Variants in DACH1 observed in about 807,000 individuals in gnomAD.
The protein encoded by DACH1 is dachshund homolog 1.
In DACH1, 12 loss-of-function variants were observed where a neutral mutation model predicts 54.2. The observed-to-expected ratio is 0.22, with a 90% CI of 0.14 to 0.36. The LOEUF (loss-of-function observed/expected upper bound fraction) is 0.36, where lower values mean the gene tolerates loss of function less well. Ranked by LOEUF, DACH1 falls within the 10% of genes least tolerant of loss-of-function variation. DACH1 has a pLI of 1.00. For missense variants in DACH1, 805 were observed against 929.8 expected, an observed-to-expected ratio of 0.87 and a Z score of 1.75; for synonymous variants, 386 against 366.2, an observed-to-expected ratio of 1.05 and a Z score of -0.62.
At chr13:71,863,242 A>G (rs116609447) in intron 1 of DACH1, among the ~76,000 whole-genome samples, 180 of 152,274 alleles carry the variant, frequency 1.2e-3, no homozygotes, top group African/African-American at 3.9e-3. Context: ...ATATTTGGTG[A>G]GAGGGAGTTC....
At chr13:71,620,999 G>A (rs1261131038) in intron 3 of DACH1, among the ~76,000 whole-genome samples, 1 of 151,476 alleles carries the variant, frequency 6.6e-6, no homozygotes, top group East Asian at 1.9e-4. Context: ...CCATGCATGA[G>A]GTAGATAAAA....
chr13:71,470,340 G>A (rs545273589), intron 10 of DACH1, among the ~76,000 whole-genome samples: 16 of 147,454 alleles, frequency 1.1e-4, no homozygotes, highest in Middle Eastern at 3.6e-3. Context: ...ACAGAGTCTC[G>A]CACTGTTGCC....
chr13:71,685,090 G>C (rs1319870335), intron 1 of DACH1, among the ~76,000 whole-genome samples: 2 of 152,126 alleles, frequency 1.3e-5, no homozygotes, highest in Non-Finnish European at 2.9e-5. Flanking sequence ...CTACTTAGGA[G>C]TACTTTATTA....
At chr13:71,642,577 A>G (rs1877987804) in intron 2 of DACH1, among the ~76,000 whole-genome samples, 1 of 152,224 alleles carries the variant, frequency 6.6e-6, no homozygotes, top group Non-Finnish European at 1.5e-5. Flanking sequence ...TGAACATTTC[A>G]CATCTAGTCA....
chr13:71,474,663 A>G (rs1209647293), intron 10 of DACH1, among the ~76,000 whole-genome samples: 1 of 152,222 alleles, frequency 6.6e-6, no homozygotes, highest in Non-Finnish European at 1.5e-5. Flanking sequence ...TTTGGAATCC[A>G]CATAGGAACT....
At chr13:71,543,784 G>A (rs1477474428) in intron 6 of DACH1, among the ~76,000 whole-genome samples, 2 of 152,104 alleles carry the variant, frequency 1.3e-5, no homozygotes, top group Non-Finnish European at 2.9e-5. Context: ...TAGGTCATGC[G>A]TAGTCTCTGT....
chr13:71,577,559 A>G (rs1364782949), intron 3 of DACH1, among the ~76,000 whole-genome samples: 1 of 152,214 alleles, frequency 6.6e-6, no homozygotes, highest in Non-Finnish European at 1.5e-5. Context: ...TATAATAAGC[A>G]CAATTGTTTT....
At chr13:71,716,037 T>C (rs1386605009) in intron 1 of DACH1, among the ~76,000 whole-genome samples, 1 of 152,028 alleles carries the variant, frequency 6.6e-6, no homozygotes, top group Non-Finnish European at 1.5e-5. Flanking sequence ...ACCTTAAACC[T>C]GCACCTCATT....
intron 2 of DACH1, among the ~76,000 whole-genome samples, chr13:71,660,067 C>T (rs1423058360): frequency 6.6e-6 from 1 of 152,048 alleles, no homozygotes; most frequent in South Asian, 2.1e-4. Flanking sequence ...TTCTTAGGAA[C>T]CTAATGATGC....
intron 1 of DACH1, among the ~76,000 whole-genome samples, chr13:71,818,080 T>A (rs1888038639): frequency 6.6e-6 from 1 of 152,234 alleles, no homozygotes; most frequent in Non-Finnish European, 1.5e-5. Flanking sequence ...CCCAAAGTGC[T>A]GGGATTACAG....
intron 8 of DACH1, among the ~76,000 whole-genome samples, chr13:71,477,541 G>T (rs993668183): frequency 6.6e-6 from 1 of 152,092 alleles, no homozygotes; most frequent in Non-Finnish European, 1.5e-5. Context: ...TATACGAAAA[G>T]AAATTGAAAC....
intron 1 of DACH1, among the ~76,000 whole-genome samples, chr13:71,788,296 C>G (rs1179887481): frequency 1.3e-5 from 2 of 152,102 alleles, no homozygotes; most frequent in East Asian, 3.9e-4. Flanking sequence ...TAGAGACACT[C>G]TAATGTTCTT....
At chr13:71,511,056 A>C (rs532293589) in intron 6 of DACH1, among the ~76,000 whole-genome samples, 57 of 152,156 alleles carry the variant, frequency 3.7e-4, no homozygotes, top group African/African-American at 1.3e-3. Flanking sequence ...TTTCTACAGC[A>C]CTACGTTATG....
intron 2 of DACH1, among the ~76,000 whole-genome samples, chr13:71,677,428 A>G (rs1880640871): frequency 1.3e-5 from 2 of 152,172 alleles, no homozygotes; most frequent in Non-Finnish European, 2.9e-5. Context: ...CACCCCTTCT[A>G]AGGTTACACA....
chr13:71,524,543 C>T (rs779044067), intron 6 of DACH1, among the ~76,000 whole-genome samples: 2 of 152,044 alleles, frequency 1.3e-5, no homozygotes, highest in African/African-American at 2.4e-5. Flanking sequence ...ACTTAAATTA[C>T]GTCAAATCCC....
At chr13:71,766,464 A>G (rs1286516893) in intron 1 of DACH1, among the ~76,000 whole-genome samples, 1 of 152,164 alleles carries the variant, frequency 6.6e-6, no homozygotes, top group Non-Finnish European at 1.5e-5. Context: ...ACTAAATTAT[A>G]TATAGTTGTA....
intron 1 of DACH1, among the ~76,000 whole-genome samples, chr13:71,825,957 T>C (rs1888361145): frequency 6.6e-6 from 1 of 152,124 alleles, no homozygotes; most frequent in Non-Finnish European, 1.5e-5. Context: ...CTGGCAACCA[T>C]GCAAACAGCT....
chr13:71,520,371 A>T (rs1403642856), intron 6 of DACH1, among the ~76,000 whole-genome samples: 1 of 151,830 alleles, frequency 6.6e-6, no homozygotes, highest in Non-Finnish European at 1.5e-5. Context: ...ATTATTTTAG[A>T]CTATCCAGAT....
intron 2 of DACH1, among the ~76,000 whole-genome samples, chr13:71,635,125 A>G (rs191406567): frequency 6.6e-6 from 1 of 152,320 alleles, no homozygotes; most frequent in Non-Finnish European, 1.5e-5. Flanking sequence ...TTACATGGAA[A>G]GCCACAGGAG....
Sources: gnomAD v4.1 joint callset for allele counts (sites outside exome capture counted in the v4.1 genomes callset) on GRCh38, gnomAD v4.1.1 for gene constraint, MANE v1.5 for transcripts, NCBI Gene and HGNC (gene_info 2026-07-23, HGNC 2026-07-21) for gene names.